Variants in RHOBTB3 observed in about 807,000 individuals in gnomAD.
RHOBTB3 encodes rho-related BTB domain-containing protein 3.
A neutral mutation model predicts 67.2 loss-of-function variants in RHOBTB3; 47 were observed. The observed-to-expected ratio is 0.70, with a 90% confidence interval of 0.55 to 0.89. RHOBTB3 has a LOEUF of 0.89. RHOBTB3 is among the 40% of genes least tolerant of loss of function. The pLI, the probability that RHOBTB3 is intolerant of heterozygous loss-of-function variation, is 0.00. For missense variants in RHOBTB3, 631 were observed against 750.0 expected, an observed-to-expected ratio of 0.84 and a Z score of 1.85; for synonymous variants, 273 against 274.2, an observed-to-expected ratio of 1.00 and a Z score of 0.04.
At chr5:95,733,461 C>T (rs529082108) in intron 2 of RHOBTB3, among the ~76,000 whole-genome samples, 3 of 152,074 alleles carry the variant, frequency 2.0e-5, no homozygotes, top group Non-Finnish European at 1.5e-5. Context: ...ATTGCTTTCC[C>T]GTATTTAATT....
intron 2 of RHOBTB3, among the ~76,000 whole-genome samples, chr5:95,735,165 A>AT (rs1173134856): frequency 4.7e-5 from 7 of 150,512 alleles, no homozygotes; most frequent in Non-Finnish European, 1.0e-4. Flanking sequence ...AAGCTTTCCC[A>AT]TTTTTCTGCA....
At chr5:95,784,776 C>G (rs531404885) in intron 10 of RHOBTB3, among the ~76,000 whole-genome samples, 1 of 152,206 alleles carries the variant, frequency 6.6e-6, no homozygotes, top group African/African-American at 2.4e-5. Context: ...TTCCCACTTT[C>G]TTTCATTCCT....
rs552233188 is a variant in RHOBTB3, at chr5:95,722,531, C to T, written n.133+4766C>T. Among the ~76,000 whole-genome samples, 6 of 152,072 alleles carry T rather than the reference C, an allele frequency of 3.9e-5. 1 individual carries two copies. The highest frequency in any genetic ancestry group is 1.4e-4 in the African/African-American group (6 of 41,472). ...TTTGAGATGGAGTCTCGCTCTGTCA[C>T]CTGGGCTGCAGTTCAGTGGCGTGAC... On this transcript the variant is annotated intron_variant and non_coding_transcript_variant, in intron 1 of 5. Coordinates refer to the RHOBTB3 transcript ENST00000504949.
chr5:95,755,398 A>G lies in RHOBTB3; in HGVS notation c.685A>G (p.Lys229Glu). Residue 229 changes from lysine to glutamate, a missense_variant and splice_region_variant, in exon 6 of 12, where the codon AAA becomes GAA. Physicochemically the swap from Lys to Glu is moderately conservative, Grantham distance 56. Coordinates refer to ENST00000379982, the MANE Select transcript of RHOBTB3 (RefSeq NM_014899.4). ...IRPPQLEQPE[K>E]MPVLKAEASH... is the part of the protein sequence containing the mutation. ...TTTTATTTTCTTTTTCAAAACAGAA[A>G]AAATGCCTGTCTTAAAGGCTGAAGC... 6.6e-7 allele frequency: 1 copy of G among 1,508,152 alleles called. No individual in the cohort carries two copies. The highest frequency in any genetic ancestry group is 1.4e-5 in the African/African-American group (1 of 71,748). The allele number at this position is 1,508,152 out of a possible 1,614,324, so 93.4% of individuals were successfully genotyped here.
At chr5:95,769,380 G>T in intron 8 of RHOBTB3, 1 of 388,936 alleles carries the variant, frequency 2.6e-6, no homozygotes, top group Non-Finnish European at 5.0e-6. Context: ...GGTCAAGAAA[G>T]TCTTCGAGAA....
At chr5:95,752,708 C>A (rs1745124412) in intron 5 of RHOBTB3, among the ~76,000 whole-genome samples, 1 of 152,158 alleles carries the variant, frequency 6.6e-6, no homozygotes, top group East Asian at 1.9e-4. Flanking sequence ...AAAAGATGTT[C>A]TTGGGACATG....
At chr5:95,731,029 C>T (rs528102425), upstream of RHOBTB3, 1 of 932,494 alleles carries the variant, frequency 1.1e-6, no homozygotes, top group South Asian at 1.6e-5. Flanking sequence ...GCCCCACCCC[C>T]CTTTCCTGGC....
In RHOBTB3 at chr5:95,737,069, C is replaced by A. The variant is rs771941215; in HGVS notation, c.409C>A (p.Gln137Lys). The change falls in exon 3 of 12, where the codon CAA becomes AAA. Residue 137 changes from glutamine to lysine, a missense_variant. Physicochemically the swap from Gln to Lys is moderately conservative, Grantham distance 53. Transcript: ENST00000379982. ...PVIIAAVGTR[Q>K]NEELPCTCPL... ...AATTATTGCTGCTGTTGGTACCAGA[C>A]AAAATGGTAAGTATTTAATATTCTT... The A allele has an allele frequency of 5.3e-5, 83 of 1,559,182 alleles. No individual in the cohort carries two copies. In the South Asian group the frequency reaches 9.0e-4, roughly 17 times the overall value.
intron 3 of RHOBTB3, among the ~76,000 whole-genome samples, chr5:95,741,523 GTTTTTTTTTTT>G (rs70978191): frequency 2.4e-5 from 2 of 84,852 alleles, no homozygotes; most frequent in African/African-American, 4.6e-5. Flanking sequence ...CTTTCTTTCT[GTTTTTTTTTTT>G]TTTTTTTTTT....
At chr5:95,729,950 G>A (rs765736712), upstream of RHOBTB3, among the ~76,000 whole-genome samples, 1 of 152,076 alleles carries the variant, frequency 6.6e-6, no homozygotes, top group Middle Eastern at 3.4e-3. Context: ...TGGGTTTCCG[G>A]AAAAGACTGA....
At chr5:95,776,677 C>T (rs1404881380) in intron 8 of RHOBTB3, among the ~76,000 whole-genome samples, 1 of 152,120 alleles carries the variant, frequency 6.6e-6, no homozygotes, top group Non-Finnish European at 1.5e-5. Flanking sequence ...GTCAGAAAGG[C>T]CTGGTTAAGA....
chr5:95,791,692 A>G (rs1276484838), intron 11 of RHOBTB3, among the ~76,000 whole-genome samples: 1 of 151,564 alleles, frequency 6.6e-6, no homozygotes, highest in Admixed American at 6.6e-5. Flanking sequence ...CGCCACACCC[A>G]GCTAATTTTT....
In RHOBTB3 at chr5:95,793,030, G is replaced by T. The variant is rs375536690; in HGVS notation, c.1721-29G>T. 6.7e-5 allele frequency: 96 copies of T among 1,435,892 alleles called. 1 individual carries two copies. Among genetic ancestry groups the T allele is most frequent in the Non-Finnish European group, 9.1e-5 (93 of 1,021,690 alleles). 88.9% of individuals were successfully genotyped at this position (1,435,892 alleles called of 1,614,324 possible). On this transcript the variant is annotated intron_variant, in intron 11 of 11. Transcript: ENST00000379982. ...AATTGATCCATAATAAAACATATTC[G>T]GTTAACAGTCTTTTTCTTAAAACTT...
At chr5:95,771,463 G>A (rs750466692) in intron 8 of RHOBTB3, among the ~76,000 whole-genome samples, 1 of 152,228 alleles carries the variant, frequency 6.6e-6, no homozygotes, top group Non-Finnish European at 1.5e-5. Flanking sequence ...CCTGTGTGCA[G>A]TGTGAGCCTG....
At chr5:95,748,211 C>A (rs1168932850) in intron 3 of RHOBTB3, 122 bp from the exon 4 acceptor site, 6 of 592,896 alleles carry the variant, frequency 1.0e-5, no homozygotes, top group African/African-American at 9.4e-5. Flanking sequence ...AGTGGATATA[C>A]TGAATGCTTT....
intron 11 of RHOBTB3, chr5:95,789,323 G>C (rs527837296): frequency 5.9e-5 from 9 of 152,640 alleles, no homozygotes; most frequent in Non-Finnish European, 1.3e-4. Context: ...ACCTATATGG[G>C]AGTCCCTTAT....
chr5:95,750,233 G>T (rs1268943646), intron 4 of RHOBTB3, among the ~76,000 whole-genome samples: 3 of 152,150 alleles, frequency 2.0e-5, no homozygotes, highest in Non-Finnish European at 4.4e-5. Flanking sequence ...ACTACCCTTA[G>T]ACCTAGGCCA....
intron 8 of RHOBTB3, among the ~76,000 whole-genome samples, chr5:95,772,743 C>T (rs899286617): frequency 1.3e-5 from 2 of 152,154 alleles, no homozygotes; most frequent in African/African-American, 2.4e-5. Context: ...TGTGACTTGC[C>T]TTTAATAAAT....
chr5:95,784,457 A>G (rs1416259938), intron 10 of RHOBTB3, among the ~76,000 whole-genome samples: 2 of 152,178 alleles, frequency 1.3e-5, no homozygotes, highest in East Asian at 3.8e-4. Context: ...GGTGTGCCTC[A>G]TTTATCCTTG....
Sources: allele counts gnomAD v4.1 joint callset (sites outside exome capture counted in the v4.1 genomes callset), GRCh38; gene constraint gnomAD v4.1.1; transcripts MANE v1.5; gene names NCBI Gene and HGNC (gene_info 2026-07-23, HGNC 2026-07-21).